The following PTBP1 variants were observed in gnomAD, a reference collection of about 807,000 sequenced individuals.
PTBP1 encodes polypyrimidine tract binding protein 1, also known as polypyrimidine tract-binding protein 1.
PTBP1 carries 8 observed loss-of-function variants against 59.8 expected under a neutral mutation model. That is an observed-to-expected ratio of 0.13 (90% CI 0.08 to 0.24). PTBP1 has a LOEUF of 0.24. Among genes scored for constraint, PTBP1 ranks in the 10% least tolerant of loss-of-function variants. The probability of loss-of-function intolerance (pLI) is 1.00; values close to 1 mark genes in which losing one functional copy is unlikely to be tolerated. For synonymous variants in PTBP1, 490 were observed against 320.7 expected, an observed-to-expected ratio of 1.53 and a Z score of -5.64; for missense variants, 686 against 767.0, an observed-to-expected ratio of 0.89 and a Z score of 1.25.
Position 804,585 on chromosome 19 carries a change from C to G in PTBP1, c.489C>G (p.Ala163=). 1 of 1,611,188 alleles carries G rather than the reference C, an allele frequency of 6.2e-7. No individual in the cohort carries two copies. The highest frequency in any genetic ancestry group is 1.1e-5 in the South Asian group (1 of 91,016). Reference sequence around the variant, plus strand: ...ACTCGGTCCAGTCGGGGAACCTGGCCTTGGCTGCCTCGGCGGCGGCCGTGG... The same window carrying G: ...ACTCGGTCCAGTCGGGGAACCTGGCGTTGGCTGCCTCGGCGGCGGCCGTGG... ...AVNSVQSGNL[A]LAASAAAVDA... Residue 163 remains alanine, a synonymous_variant, in exon 6 of 15, where the codon GCC becomes GCG. Transcript: ENST00000356948.
intron 2 of PTBP1, among the ~76,000 whole-genome samples, chr19:801,070 G>A (rs543143505): frequency 2.2e-5 from 3 of 138,832 alleles, no homozygotes; most frequent in Admixed American, 7.4e-5. Flanking sequence ...ACCTGGCTAC[G>A]CTGTCCTTTA....
Position 807,864 on chromosome 19 carries a change from TAA to T in PTBP1, c.1120-3_1120-2del. On this transcript the variant is annotated splice_region_variant and splice_polypyrimidine_tract_variant and intron_variant, in intron 10 of 14. Coordinates refer to ENST00000356948, the MANE Select transcript of PTBP1 (RefSeq NM_002819.5). ...CTCCGCTGCCTTGCTCTGCTGTCTC[TAA>T]AGAGAGTCACACCCCAAAGCCTCTT... 2 of 1,613,602 alleles carry T rather than the reference TAA, an allele frequency of 1.2e-6. No individual in the cohort carries two copies. Among genetic ancestry groups the T allele is most frequent in the Non-Finnish European group, 1.7e-6 (2 of 1,179,566 alleles).
chr19:806,119 GTCTGTGCTGGCGGAGCCGGAGCTTT>G (rs1435579083), intron 9 of PTBP1: 7 of 357,624 alleles, frequency 2.0e-5, no homozygotes, highest in Non-Finnish European at 3.5e-5. Flanking sequence ...AGGGCCCCGT[GTCTGTGCTGGCGGAGCCGGAGCTTT>G]TCTGTGCTGT....
chr19:805,444 C>A, intron 8 of PTBP1, 48 bp from the exon 9 acceptor site: 2 of 1,546,574 alleles, frequency 1.3e-6, no homozygotes, highest in South Asian at 2.2e-5. Context: ...AGCGCCCGCT[C>A]GCGGTGGAGG....
At chr19:800,017 C>G (rs1399170358) in intron 2 of PTBP1, among the ~76,000 whole-genome samples, 1 of 151,928 alleles carries the variant, frequency 6.6e-6, no homozygotes, top group Non-Finnish European at 1.5e-5. Context: ...ACCTCCACCT[C>G]TCAGGTTCAA....
At chr19:803,923 C>T (rs2034446989) in intron 3 of PTBP1, 113 bp from the exon 4 acceptor site, 3 of 1,290,838 alleles carry the variant, frequency 2.3e-6, no homozygotes, top group Admixed American at 1.9e-5. Context: ...ATGCACCCTC[C>T]TGGGGCTCAG....
Position 805,194 on chromosome 19 carries a change from G to A in PTBP1, c.892+7G>A. On this transcript the variant is annotated splice_region_variant and intron_variant, in intron 8 of 14. Transcript: ENST00000356948. ...ACCATGGCCGCGGCCTTCGGTAAGAGGCTGCCCGACGCGGCGCCAGTGTGC... is the reference window on the plus strand; with the variant it reads ...ACCATGGCCGCGGCCTTCGGTAAGAAGCTGCCCGACGCGGCGCCAGTGTGC... The A allele has an allele frequency of 1.2e-6, 2 of 1,612,804 alleles. No homozygotes were observed. Among genetic ancestry groups the A allele is most frequent in the Non-Finnish European group, 1.7e-6 (2 of 1,179,526 alleles).
intron 2 of PTBP1, among the ~76,000 whole-genome samples, chr19:802,959 G>T (rs1189356410): frequency 3.9e-5 from 6 of 152,256 alleles, no homozygotes; most frequent in African/African-American, 1.4e-4. Flanking sequence ...ATCACTGGGC[G>T]GGAGGCCGTG....
intron 3 of PTBP1, 36 bp downstream of exon 3, chr19:803,672 G>A (rs905553789): frequency 3.2e-6 from 5 of 1,561,384 alleles, no homozygotes; most frequent in African/African-American, 1.4e-5. Context: ...AAGACCCGTG[G>A]GTGTCTTTCC....
intron 13 of PTBP1, among the ~76,000 whole-genome samples, chr19:809,077 C>G (rs1241388770): frequency 6.6e-6 from 1 of 152,086 alleles, no homozygotes; most frequent in Admixed American, 6.6e-5. Context: ...GGAACGATCT[C>G]GGTTCACTGC....
intron 10 of PTBP1, chr19:807,591 G>A: frequency 2.4e-6 from 1 of 423,510 alleles, no homozygotes; most frequent in Non-Finnish European, 4.2e-6. Flanking sequence ...CCCTGATCCG[G>A]AATTTCTTTG....
At chr19:810,482 G>C in intron 13 of PTBP1, 61 bp from the exon 14 acceptor site, 1 of 1,470,842 alleles carries the variant, frequency 6.8e-7, no homozygotes, top group Non-Finnish European at 9.4e-7. Context: ...AAGCCTCGCG[G>C]ACCTGACTGG....
At position 804,916 on chromosome 19, in the gene PTBP1, G is replaced by A. The variant is rs756260935; in HGVS notation, c.694G>A (p.Val232Met). 1.7e-5 allele frequency: 28 copies of A among 1,613,736 alleles called. No homozygotes were observed. The highest frequency in any genetic ancestry group is 2.1e-5 in the Non-Finnish European group (25 of 1,179,862). ...FQALLQYADP[V>M]SAQHAKLSLD... ...GGCCCTGCTGCAGTATGCGGACCCCGTGAGCGCCCAGCACGCCAAGCTGGT... is the reference window on the plus strand; with the variant it reads ...GGCCCTGCTGCAGTATGCGGACCCCATGAGCGCCCAGCACGCCAAGCTGGT... The change falls in exon 7 of 15, where the codon GTG becomes ATG. Residue 232 changes from valine to methionine, a missense_variant. Physicochemically the swap from Val to Met is conservative, Grantham distance 21. Transcript: ENST00000356948.
In PTBP1 at chr19:808,045, G is replaced by T. The variant is rs1417979075; in HGVS notation, c.1153+143G>T. 1 of 805,560 alleles carries T rather than the reference G, an allele frequency of 1.2e-6. No homozygotes were observed. Among genetic ancestry groups the T allele is most frequent in the South Asian group, 1.5e-5 (1 of 66,442 alleles). 49.9% of individuals were successfully genotyped at this position (805,560 alleles called of 1,614,324 possible). Reference sequence around the variant, plus strand: ...GTTTTATGGTTTGCTTTCGGTTTGCGAATTTTATTTGGTCCCGTAGATACG... The same window carrying T: ...GTTTTATGGTTTGCTTTCGGTTTGCTAATTTTATTTGGTCCCGTAGATACG... On this transcript the variant is annotated intron_variant, in intron 11 of 14. Coordinates refer to ENST00000356948, the MANE Select transcript of PTBP1 (RefSeq NM_002819.5). This position sits in a 1 kb window ranked among gnomAD's most constrained non-coding sequence, Gnocchi z 4.7.
At chr19:800,936 A>G (rs980940657) in intron 2 of PTBP1, among the ~76,000 whole-genome samples, 2 of 152,058 alleles carry the variant, frequency 1.3e-5, no homozygotes, top group African/African-American at 4.8e-5. Context: ...GGATTTTGCC[A>G]CAGGGCAGGG....
chr19:810,972 T>A lies in PTBP1; in HGVS notation c.*146T>A. The stretch of plus-strand genomic sequence containing the variant: ...ATCAGTTTACCTGTTTTTAAAAAAA[T>A]TAAATCTAGTTCACCTTGCTCACCC... On this transcript the variant is annotated 3_prime_UTR_variant, in exon 15 of 15. Transcript: ENST00000356948. 2.3e-6 allele frequency: 2 copies of A among 866,476 alleles called. No homozygotes were observed. Among genetic ancestry groups the A allele is most frequent in the Non-Finnish European group, 1.6e-6 (1 of 606,814 alleles). The allele number at this position is 866,476 out of a possible 1,614,324, so 53.7% of individuals were successfully genotyped here.
chr19:802,718 C>T (rs2034389253), intron 2 of PTBP1, among the ~76,000 whole-genome samples: 2 of 152,350 alleles, frequency 1.3e-5, no homozygotes, highest in Non-Finnish European at 1.5e-5. Context: ...CCGTAACCAA[C>T]GTCTCCTCCA....
chr19:798,475 GTGCAGTCTGTGGTGTCAGAAGA>G (rs2034180829), intron 1 of PTBP1: 1 of 152,310 alleles, frequency 6.6e-6, no homozygotes, highest in South Asian at 2.1e-4. Flanking sequence ...AACGTGGTCC[GTGCAGTCTGTGGTGTCAGAAGA>G]GGCGCAGCCC....
intron 3 of PTBP1, 24 bp downstream of exon 3, chr19:803,660 G>T: frequency 1.2e-6 from 2 of 1,604,298 alleles, no homozygotes; most frequent in Non-Finnish European, 1.7e-6. Flanking sequence ...TCGGCCCAGG[G>T]CAAGACCCGT....
Sources: gnomAD v4.1 joint callset for allele counts (sites outside exome capture counted in the v4.1 genomes callset) on GRCh38, gnomAD v4.1.1 for gene constraint, Gnocchi (gnomAD v3.1) non-coding constraint, MANE v1.5 for transcripts, NCBI Gene and HGNC (gene_info 2026-07-23, HGNC 2026-07-21) for gene names.